The following ADD3 variants were observed in gnomAD, a reference collection of about 807,000 sequenced individuals.
ADD3 encodes gamma-adducin.
Under a neutral mutation model 80.2 loss-of-function variants are expected in ADD3, and 25 were observed. The ratio of observed to expected loss-of-function variants is 0.31; its 90% CI spans 0.23 to 0.44. The LOEUF is 0.44. Among genes scored for constraint, ADD3 ranks in the 20% least tolerant of loss-of-function variants. ADD3 has a pLI of 1.00. For missense variants in ADD3, 829 were observed against 847.5 expected, an observed-to-expected ratio of 0.98 and a Z score of 0.27; for synonymous variants, 284 against 289.6, an observed-to-expected ratio of 0.98 and a Z score of 0.20.
intron 1 of ADD3, among the ~76,000 whole-genome samples, chr10:110,099,121 GT>G (rs1554947482): frequency 2.1e-5 from 3 of 145,800 alleles, no homozygotes; most frequent in Non-Finnish European, 4.5e-5. Flanking sequence ...TAGAGACAGG[GT>G]TTCACTATGT....
At chr10:110,112,126 CTT>C (rs1248306198) in intron 2 of ADD3, 7 of 145,612 alleles carry the variant, frequency 4.8e-5, no homozygotes, top group Non-Finnish European at 9.1e-5. Context: ...GGAACTCTGT[CTT>C]TTTTTTTTTG....
intron 1 of ADD3, among the ~76,000 whole-genome samples, chr10:110,035,043 A>T (rs1855481762): frequency 6.6e-6 from 1 of 152,252 alleles, no homozygotes; most frequent in African/African-American, 2.4e-5. Context: ...TTGCATTTGG[A>T]AGACCATGTT....
intron 1 of ADD3, among the ~76,000 whole-genome samples, chr10:110,081,557 T>A (rs963823056): frequency 3.3e-5 from 5 of 152,322 alleles, no homozygotes; most frequent in Middle Eastern, 3.4e-3. Flanking sequence ...GGAGGCACAC[T>A]CTTCTGTATG....
chr10:110,043,935 G>A (rs1217413531), intron 1 of ADD3, among the ~76,000 whole-genome samples: 2 of 152,180 alleles, frequency 1.3e-5, no homozygotes, highest in African/African-American at 4.8e-5. Context: ...CAGGCCGGGT[G>A]CGGTGGCTCA....
rs145080760 is a variant in ADD3, at chr10:110,052,159, G to A, written c.-30+43860G>A. On this transcript the variant is annotated intron_variant, in intron 1 of 14. Coordinates refer to ENST00000356080, the MANE Select transcript of ADD3 (RefSeq NM_016824.5). ...TATGTACAGGTATTATAAGTGAATT[G>A]AAAAAAAATGTACCAATAATTTTCT... 4.0e-5 allele frequency among the ~76,000 whole-genome samples: 6 copies of A among 151,816 alleles called. No individual in the cohort carries two copies. In the East Asian group the frequency reaches 1.2e-3, roughly 29 times the overall value.
intron 1 of ADD3, among the ~76,000 whole-genome samples, chr10:110,062,404 A>G (rs1859032927): frequency 7.0e-6 from 1 of 142,816 alleles, no homozygotes; most frequent in Non-Finnish European, 1.5e-5. Flanking sequence ...GCAAGAGTGA[A>G]ACTCCATCTC....
chr10:109,999,402 G>A (rs6584964), intron 1 of ADD3, among the ~76,000 whole-genome samples: 16 of 151,934 alleles, frequency 1.1e-4, no homozygotes, highest in Non-Finnish European at 1.8e-4. Context: ...CCTTCTCCTC[G>A]TTTTTCCCCC....
intron 10 of ADD3, 37 bp from the exon 11 acceptor site, chr10:110,125,789 C>T: frequency 6.6e-7 from 1 of 1,524,368 alleles, no homozygotes; most frequent in Non-Finnish European, 8.9e-7. Flanking sequence ...ATTTTCTTAA[C>T]ACAAAGCTTC....
Position 110,049,886 on chromosome 10 carries a change from CAAA to C in ADD3, c.-30+41604_-30+41606del, listed in dbSNP as rs1296672882. ...TGGGCGACAGAGCGAGACTCCGTCT[CAAA>C]AAAAAAAAAAAAAAAAGATTTGACT... is the stretch of plus-strand genomic sequence containing the variant. On this transcript the variant is annotated intron_variant, in intron 1 of 14. Coordinates refer to ENST00000356080, the MANE Select transcript of ADD3 (RefSeq NM_016824.5). Among the ~76,000 whole-genome samples the C allele has an allele frequency of 2.6e-4, 16 of 61,054 alleles. No individual in the cohort carries two copies. In the East Asian group the frequency reaches 4.8e-3, roughly 18 times the overall value. 40.1% of individuals were successfully genotyped at this position (61,054 alleles called of 152,430 possible). A position where few individuals can be genotyped will look rare whatever the true frequency, so the allele number is the denominator to read the frequency against.
rs544686848 is a variant in ADD3 at position 110,045,976 on chromosome 10, A to G, written c.-30+37677A>G. ...CTTCCAGTAAATTGTGTATTTCAGT[A>G]AAAAGTGACCTCTCAGTATTATTGT... On this transcript the variant is annotated intron_variant, in intron 1 of 14. Coordinates refer to ENST00000356080, the MANE Select transcript of ADD3 (RefSeq NM_016824.5). Among the ~76,000 whole-genome samples the G allele has an allele frequency of 5.9e-5, 9 of 152,320 alleles. No homozygotes were observed. The South Asian group carries it at 1.9e-3, about 32-fold the overall frequency.
chr10:110,119,227 G>A lies in ADD3; in HGVS notation c.734G>A (p.Cys245Tyr), dbSNP rs1304200986. ...LATAAVSSMKCGILPISQESL... is the reference protein window; with the variant it reads ...LATAAVSSMKYGILPISQESL... Reference sequence around the variant, plus strand: ...ACCAAATAGGTATCCTCCATGAAATGTGGGATCCTTCCAATTTCTCAAGAG... The same window carrying A: ...ACCAAATAGGTATCCTCCATGAAATATGGGATCCTTCCAATTTCTCAAGAG... Residue 245 changes from cysteine (C) to tyrosine (Y), a missense_variant, in exon 7 of 15, where the codon TGT becomes TAT. Cys to Tyr is a radical substitution (Grantham distance 194, BLOSUM62 -2). Coordinates refer to ENST00000356080, the MANE Select transcript of ADD3 (RefSeq NM_016824.5). 1.9e-6 allele frequency: 3 copies of A among 1,614,144 alleles called. No individual in the cohort carries two copies. Among genetic ancestry groups the A allele is most frequent in the East Asian group, 4.5e-5 (2 of 44,870 alleles).
At chr10:110,097,844 G>T (rs1227200559) in intron 1 of ADD3, among the ~76,000 whole-genome samples, 1 of 147,520 alleles carries the variant, frequency 6.8e-6, no homozygotes, top group Admixed American at 6.8e-5. Flanking sequence ...GTGTGATCTC[G>T]GCTCACTGCA....
chr10:110,060,944 A>G (rs1452623156), intron 1 of ADD3, among the ~76,000 whole-genome samples: 1 of 152,244 alleles, frequency 6.6e-6, no homozygotes, highest in African/African-American at 2.4e-5. Context: ...ATGACCTTAG[A>G]TAGTGACATT....
At chr10:110,046,800 G>A (rs978946451) in intron 1 of ADD3, among the ~76,000 whole-genome samples, 1 of 152,156 alleles carries the variant, frequency 6.6e-6, no homozygotes, top group African/African-American at 2.4e-5. Context: ...TTTAAAAATA[G>A]TAGCTGCTAA....
At chr10:110,082,233 ACT>A (rs1255738910) in intron 1 of ADD3, among the ~76,000 whole-genome samples, 3 of 120,676 alleles carry the variant, frequency 2.5e-5, no homozygotes, top group Non-Finnish European at 4.6e-5. Flanking sequence ...TTTGAGTATC[ACT>A]CTAAAAAAAA....
At chr10:110,042,965 A>G (rs1856540210) in intron 1 of ADD3, among the ~76,000 whole-genome samples, 1 of 152,196 alleles carries the variant, frequency 6.6e-6, no homozygotes, top group Non-Finnish European at 1.5e-5. Context: ...GGTGGGTCAT[A>G]TTTAATATTT....
intron 1 of ADD3, among the ~76,000 whole-genome samples, chr10:109,999,717 C>T (rs1319619667): frequency 6.6e-6 from 1 of 152,046 alleles, no homozygotes; most frequent in Admixed American, 6.5e-5. Flanking sequence ...TATTATTTTC[C>T]TCATTATTAA....
chr10:110,001,990 A>G (rs1008659182), upstream of ADD3, among the ~76,000 whole-genome samples: 16 of 152,178 alleles, frequency 1.1e-4, no homozygotes, highest in Admixed American at 9.2e-4. Context: ...AAGTTTTTCT[A>G]CATAGAAACT....
intron 1 of ADD3, among the ~76,000 whole-genome samples, chr10:110,069,238 A>T (rs1417588693): frequency 6.6e-6 from 1 of 152,216 alleles, no homozygotes; most frequent in Non-Finnish European, 1.5e-5. Context: ...TCATGATTGT[A>T]TATGCTGTAA....
Sources: allele counts gnomAD v4.1 joint callset (sites outside exome capture counted in the v4.1 genomes callset), GRCh38; gene constraint gnomAD v4.1.1; transcripts MANE v1.5; gene names NCBI Gene and HGNC (gene_info 2026-07-23, HGNC 2026-07-21).